SLC9A9: variants seen among roughly 807,000 people sequenced by gnomAD.
SLC9A9 encodes the protein solute carrier family 9 member A9.
SLC9A9 carries 62 observed loss-of-function variants against 77.8 expected under a neutral mutation model. The ratio of observed to expected loss-of-function variants is 0.80; its 90% CI spans 0.65 to 0.98. The LOEUF is 0.98. Ranked by LOEUF, SLC9A9 falls within the 50% of genes least tolerant of loss-of-function variation. SLC9A9 has a pLI of 0.00. For synonymous variants in SLC9A9, 320 were observed against 283.5 expected (o/e 1.13, Z -1.29); for missense variants, 775 against 774.9 (o/e 1.00, Z 0.00).
chr3:143,714,709 T>C (rs1035518628), intron 4 of SLC9A9, among the ~76,000 whole-genome samples: 8 of 152,218 alleles, frequency 5.3e-5, no homozygotes, highest in African/African-American at 1.9e-4. Flanking sequence ...CCCAAGAGGC[T>C]GATCTATATG....
At chr3:143,266,996 T>A (rs1937744684) in intron 15 of SLC9A9, 67 bp from the exon 16 acceptor site, 2 of 640,534 alleles carry the variant, frequency 3.1e-6, no homozygotes, top group East Asian at 5.2e-5. Context: ...AGTCCTACAA[T>A]TTTTTTTTTT....
chr3:143,551,504 C>A (rs1054750260), intron 9 of SLC9A9, among the ~76,000 whole-genome samples: 1 of 152,190 alleles, frequency 6.6e-6, no homozygotes, highest in Non-Finnish European at 1.5e-5. Context: ...GATCCCTTGG[C>A]CTCAAATGCC....
At chr3:143,692,754 G>A (rs978126908) in intron 5 of SLC9A9, among the ~76,000 whole-genome samples, 3 of 152,140 alleles carry the variant, frequency 2.0e-5, no homozygotes, top group Non-Finnish European at 2.9e-5. Context: ...GCACCACATT[G>A]GAAGAAGAAT....
intron 14 of SLC9A9, among the ~76,000 whole-genome samples, chr3:143,306,978 T>G (rs1225121698): frequency 1.3e-5 from 2 of 152,212 alleles, no homozygotes; most frequent in Non-Finnish European, 2.9e-5. Context: ...AGTGAAAATC[T>G]CACTTTCTCA....
At chr3:143,534,344 G>A (rs527494443) in intron 9 of SLC9A9, among the ~76,000 whole-genome samples, 323 of 152,232 alleles carry the variant, frequency 2.1e-3, no homozygotes, top group Admixed American at 4.3e-3. Context: ...TTAAAAAAGT[G>A]TGACCATGAA....
chr3:143,439,559 C>A, intron 12 of SLC9A9, among the ~76,000 whole-genome samples: 1 of 152,156 alleles, frequency 6.6e-6, no homozygotes, highest in Non-Finnish European at 1.5e-5. Context: ...GCTTTGGGAG[C>A]AAAGACCTGG....
chr3:143,633,303 G>T (rs76096661), intron 6 of SLC9A9, among the ~76,000 whole-genome samples: 3,017 of 152,112 alleles, frequency 0.02, 96 homozygotes, highest in African/African-American at 0.068. Flanking sequence ...TGTATTTTCT[G>T]CCTTAAAGAT....
intron 12 of SLC9A9, among the ~76,000 whole-genome samples, chr3:143,444,559 T>G (rs948195318): frequency 6.6e-6 from 1 of 152,204 alleles, no homozygotes; most frequent in Non-Finnish European, 1.5e-5. Flanking sequence ...GACTTTTTAA[T>G]AGTCTCAGAT....
At chr3:143,696,350 A>G (rs1047940442) in intron 4 of SLC9A9, among the ~76,000 whole-genome samples, 1 of 152,182 alleles carries the variant, frequency 6.6e-6, no homozygotes, top group African/African-American at 2.4e-5. Flanking sequence ...ATCCCCTACT[A>G]TGTGTCAGGC....
intron 14 of SLC9A9, among the ~76,000 whole-genome samples, chr3:143,309,759 A>G (rs972717797): frequency 2.0e-5 from 3 of 152,156 alleles, no homozygotes; most frequent in African/African-American, 4.8e-5. Context: ...GTTCTCAGCA[A>G]TTCCCTGGGT....
chr3:143,423,226 C>T (rs1041293263), intron 12 of SLC9A9, among the ~76,000 whole-genome samples: 1 of 148,064 alleles, frequency 6.8e-6, no homozygotes, highest in Non-Finnish European at 1.5e-5. Context: ...TACACACACA[C>T]ACACGTGTAC....
Position 143,717,369 on chromosome 3 carries a change from T to G in SLC9A9, c.534-24062A>C, listed in dbSNP as rs368861213. On this transcript the variant is annotated intron_variant, in intron 4 of 15. Coordinates refer to ENST00000316549, the MANE Select transcript of SLC9A9 (RefSeq NM_173653.4). The stretch of plus-strand genomic sequence containing the variant: ...ATGGCTCTGACTATGGCTTCTCTCT[T>G]TAATTCCTCAGCTACCATAGAAGTT... Among the ~76,000 whole-genome samples, 6 of 152,358 alleles carry G rather than the reference T, an allele frequency of 3.9e-5. No homozygotes were observed. The East Asian group carries it at 9.6e-4, about 24-fold the overall frequency.
At chr3:143,412,133 T>C (rs1165509453) in intron 12 of SLC9A9, among the ~76,000 whole-genome samples, 1 of 152,104 alleles carries the variant, frequency 6.6e-6, no homozygotes, top group Non-Finnish European at 1.5e-5. Context: ...TTCAGGGAAC[T>C]ACAAAATCTA....
chr3:143,467,967 G>T (rs1311937324), intron 11 of SLC9A9, among the ~76,000 whole-genome samples: 1 of 152,140 alleles, frequency 6.6e-6, no homozygotes, highest in Non-Finnish European at 1.5e-5. Flanking sequence ...AGCAAAAGTT[G>T]CTGGATAATC....
chr3:143,722,306 T>C (rs536762700), intron 4 of SLC9A9, among the ~76,000 whole-genome samples: 1 of 151,810 alleles, frequency 6.6e-6, no homozygotes, highest in Non-Finnish European at 1.5e-5. Flanking sequence ...ACCCCATCTC[T>C]ACTAAAAATA....
Position 143,716,389 on chromosome 3 carries a change from AT to A in SLC9A9, c.534-23083del, listed in dbSNP as rs11450258. On this transcript the variant is annotated intron_variant, in intron 4 of 15. Transcript: ENST00000316549. ...GCACCTGGCTTTTTTTTATGTCAGT[AT>A]TTTTTTTTTTAAGGAAAATCACATA... is the stretch of plus-strand genomic sequence containing the variant. Among the ~76,000 whole-genome samples the A allele has an allele frequency of 6.0e-3, 894 of 149,342 alleles. 7 individuals carry two copies. Among genetic ancestry groups the A allele is most frequent in the African/African-American group, 0.02 (813 of 40,802 alleles).
chr3:143,313,848 A>G (rs1292957873), intron 14 of SLC9A9, among the ~76,000 whole-genome samples: 1 of 152,232 alleles, frequency 6.6e-6, no homozygotes, highest in African/African-American at 2.4e-5. Context: ...TTGGAAGCAC[A>G]GAGCAGGGAG....
chr3:143,713,748 G>A (rs1401227788), intron 4 of SLC9A9, among the ~76,000 whole-genome samples: 2 of 152,152 alleles, frequency 1.3e-5, no homozygotes, highest in Admixed American at 6.5e-5. Flanking sequence ...ACATACAGGT[G>A]TACTTGAGGG....
intron 6 of SLC9A9, among the ~76,000 whole-genome samples, chr3:143,622,193 A>T (rs942461133): frequency 5.3e-5 from 8 of 152,376 alleles, no homozygotes; most frequent in Non-Finnish European, 1.0e-4. Context: ...AACACTCTGC[A>T]GGATATTATC....
Sources: allele counts gnomAD v4.1 joint callset (sites outside exome capture counted in the v4.1 genomes callset), GRCh38; gene constraint gnomAD v4.1.1; transcripts MANE v1.5; gene names NCBI Gene and HGNC (gene_info 2026-07-23, HGNC 2026-07-21).